Variants in KSR2 observed in about 807,000 individuals in gnomAD.
The protein encoded by KSR2 is kinase suppressor of ras 2.
KSR2 carries 25 observed loss-of-function variants against 107.8 expected under a neutral mutation model. The observed-to-expected ratio is 0.23, with a 90% CI of 0.17 to 0.32. KSR2 has a LOEUF of 0.32. Ranked by LOEUF, KSR2 falls within the 10% of genes least tolerant of loss-of-function variation. The pLI is 1.00. For missense variants in KSR2, 887 were observed against 1,268.9 expected, an observed-to-expected ratio of 0.70 and a Z score of 4.57; for synonymous variants, 480 against 507.0, an observed-to-expected ratio of 0.95 and a Z score of 0.71.
At chr12:117,645,421 T>C (rs1295970090) in intron 5 of KSR2, among the ~76,000 whole-genome samples, 1 of 152,166 alleles carries the variant, frequency 6.6e-6, no homozygotes. Context: ...CCATGCCAGG[T>C]GTCCCTCTTT....
At chr12:117,520,185 A>C (rs893062206) in intron 14 of KSR2, among the ~76,000 whole-genome samples, 1 of 152,220 alleles carries the variant, frequency 6.6e-6, no homozygotes, top group African/African-American at 2.4e-5. Flanking sequence ...CAGTTCTGCC[A>C]GTTATTTGTT....
At chr12:117,576,831 T>C (rs1258618238) in intron 7 of KSR2, among the ~76,000 whole-genome samples, 1 of 151,500 alleles carries the variant, frequency 6.6e-6, no homozygotes, top group Non-Finnish European at 1.5e-5. Context: ...TATTTGTGTG[T>C]GTGTGTGTGG....
At chr12:117,914,066 A>G (rs1895104843) in intron 1 of KSR2, among the ~76,000 whole-genome samples, 1 of 152,188 alleles carries the variant, frequency 6.6e-6, no homozygotes, top group Non-Finnish European at 1.5e-5. Context: ...CCCTCTGTGT[A>G]TCCAGTTTCC....
intron 4 of KSR2, among the ~76,000 whole-genome samples, chr12:117,680,486 C>T (rs1885320564): frequency 6.6e-6 from 1 of 152,118 alleles, no homozygotes. Context: ...ATCCCTGCCC[C>T]CAGCATTGAA....
At chr12:117,864,259 G>C (rs1893402302) in intron 1 of KSR2, among the ~76,000 whole-genome samples, 1 of 152,130 alleles carries the variant, frequency 6.6e-6, no homozygotes, top group Non-Finnish European at 1.5e-5. Flanking sequence ...ACAGAAAACT[G>C]AGCAAATAAA....
At chr12:117,936,731 G>A (rs189975623) in intron 1 of KSR2, among the ~76,000 whole-genome samples, 56 of 152,188 alleles carry the variant, frequency 3.7e-4, no homozygotes, top group African/African-American at 1.3e-3. Context: ...TTTGTTTGTT[G>A]TCTGTCTCCC....
intron 9 of KSR2, among the ~76,000 whole-genome samples, chr12:117,554,244 T>G (rs2137331610): frequency 6.6e-6 from 1 of 152,116 alleles, no homozygotes; most frequent in East Asian, 1.9e-4. Flanking sequence ...GGCCAGAAAT[T>G]TCTAGGCCAC....
At chr12:117,649,587 C>A (rs1241999966) in intron 5 of KSR2, among the ~76,000 whole-genome samples, 1 of 152,118 alleles carries the variant, frequency 6.6e-6, no homozygotes, top group East Asian at 1.9e-4. Context: ...GAACCTGAGG[C>A]TTGGAGCTGG....
chr12:117,889,873 A>T (rs1056655749), intron 1 of KSR2: 2 of 152,230 alleles, frequency 1.3e-5, no homozygotes, highest in African/African-American at 4.8e-5. Flanking sequence ...CTTTCAATAC[A>T]CAGGACAGAT....
chr12:117,913,338 C>G (rs1422701033), intron 1 of KSR2, among the ~76,000 whole-genome samples: 1 of 152,102 alleles, frequency 6.6e-6, no homozygotes, highest in Admixed American at 6.6e-5. Flanking sequence ...CTGTAATGAC[C>G]CCTGGACTTG....
chr12:117,903,567 C>T (rs1466760183), intron 1 of KSR2, among the ~76,000 whole-genome samples: 1 of 152,228 alleles, frequency 6.6e-6, no homozygotes, highest in East Asian at 1.9e-4. Flanking sequence ...GGGCAAACAG[C>T]TCAAATATCC....
At chr12:117,709,598 A>G (rs1262327559) in intron 4 of KSR2, among the ~76,000 whole-genome samples, 1 of 152,210 alleles carries the variant, frequency 6.6e-6, no homozygotes, top group Non-Finnish European at 1.5e-5. Flanking sequence ...GATAACAGAC[A>G]TGAGCCACTG....
Position 117,938,065 on chromosome 12 carries a change from C to T in KSR2, c.180+30011G>A, listed in dbSNP as rs545754290. On this transcript the variant is annotated intron_variant, in intron 1 of 19. Transcript: ENST00000339824. ...TCAAATGCCCCATGCTATCTCCTAA[C>T]TCTTGGCATTTGTGCATACTGTTCC... 9.3e-5 allele frequency among the ~76,000 whole-genome samples: 14 copies of T among 150,600 alleles called. No individual in the cohort carries two copies. In the East Asian group the frequency reaches 9.9e-4, roughly 11 times the overall value.
At chr12:117,616,160 C>CA (rs386766773) in intron 5 of KSR2, among the ~76,000 whole-genome samples, 2,749 of 51,092 alleles carry the variant, frequency 0.054, 81 homozygotes, top group African/African-American at 0.19. Context: ...GACCCTGTCT[C>CA]GAAAAAAAAA....
intron 14 of KSR2, among the ~76,000 whole-genome samples, chr12:117,501,237 CA>C (rs1455778161): frequency 6.6e-6 from 1 of 152,218 alleles, no homozygotes; most frequent in African/African-American, 2.4e-5. Context: ...AAATTGTCTA[CA>C]GCTGTTTTCA....
intron 5 of KSR2, among the ~76,000 whole-genome samples, chr12:117,583,625 A>G (rs1227530959): frequency 6.6e-6 from 1 of 152,160 alleles, no homozygotes; most frequent in African/African-American, 2.4e-5. Flanking sequence ...GAACTGTACT[A>G]TCACTCCATT....
intron 4 of KSR2, among the ~76,000 whole-genome samples, chr12:117,680,653 G>T (rs11068623): frequency 1.3e-5 from 2 of 152,008 alleles, no homozygotes; most frequent in Non-Finnish European, 2.9e-5. Context: ...TATGCATTAT[G>T]GTGGACTGGT....
intron 4 of KSR2, among the ~76,000 whole-genome samples, chr12:117,738,292 T>A (rs1423522106): frequency 2.6e-5 from 4 of 152,202 alleles, no homozygotes; most frequent in African/African-American, 9.6e-5. Context: ...AGAAAACGCA[T>A]TCTATGTACC....
intron 3 of KSR2, among the ~76,000 whole-genome samples, chr12:117,815,399 GA>G (rs76702934): frequency 5.9e-5 from 9 of 151,552 alleles, no homozygotes; most frequent in African/African-American, 1.7e-4. Context: ...ACATGTATAA[GA>G]AAAAAAAGCA....
Sources: allele counts gnomAD v4.1 joint callset (sites outside exome capture counted in the v4.1 genomes callset), GRCh38; gene constraint gnomAD v4.1.1; transcripts MANE v1.5; gene names NCBI Gene and HGNC (gene_info 2026-07-23, HGNC 2026-07-21).